ITGA9: variants seen among roughly 807,000 people sequenced by gnomAD.
ITGA9 encodes integrin alpha-9.
Under a neutral mutation model 127.8 loss-of-function variants are expected in ITGA9, and 56 were observed. That is an observed-to-expected ratio of 0.44 (90% confidence interval 0.35 to 0.55). The LOEUF (loss-of-function observed/expected upper bound fraction) is 0.55. ITGA9 is among the 20% of genes least tolerant of loss of function. ITGA9 has a pLI of 0.00. For missense variants in ITGA9, 1,196 were observed against 1,347.1 expected (o/e 0.89, Z 1.76); for synonymous variants, 508 against 514.5 (o/e 0.99, Z 0.17).
chr3:37,485,707 G>A (rs1488412245), intron 4 of ITGA9, among the ~76,000 whole-genome samples: 15 of 152,180 alleles, frequency 9.9e-5, no homozygotes, highest in Admixed American at 9.8e-4. Flanking sequence ...TAAAAAATTG[G>A]TCTCTGGTTT....
rs143344104 is a variant in ITGA9, at chr3:37,471,805, T to C, written c.313+671T>C. 1.4e-3 allele frequency among the ~76,000 whole-genome samples: 220 copies of C among 152,226 alleles called. 3 individuals are homozygous for C. In the South Asian group the frequency reaches 0.026, roughly 18 times the overall value. ...ATGGTGGCTCATGACTGTAATCCCA[T>C]CACTTTGGGAGGCTGAGGTGGGCAC... On this transcript the variant is annotated intron_variant, in intron 2 of 27. Transcript: ENST00000264741.
At chr3:37,808,997 C>A (rs1355054372) in intron 27 of ITGA9, 1 of 152,166 alleles carries the variant, frequency 6.6e-6, no homozygotes, top group African/African-American at 2.4e-5. Flanking sequence ...GGGAAATAGA[C>A]CCTGCTTCTC....
chr3:37,506,001 C>T lies in ITGA9; in HGVS notation c.744C>T (p.Gly248=), dbSNP rs757402509. The change falls in exon 7 of 28, where the codon GGC becomes GGT. Residue 248 remains glycine (G), a splice_region_variant and synonymous_variant. Coordinates refer to ENST00000264741, the MANE Select transcript of ITGA9 (RefSeq NM_002207.3). ...VIMNRRYTYL[G]YAVTAGHFSH... ...TTGGTTTCCGCCCATCCTGTTCAGG[C>T]TACGCAGTGACCGCTGGCCACTTCT... 1 of 1,601,650 alleles carries T rather than the reference C, an allele frequency of 6.2e-7. No homozygotes were observed. Among genetic ancestry groups the T allele is most frequent in the South Asian group, 1.1e-5 (1 of 88,412 alleles).
At chr3:37,802,714 T>C (rs1301850489) in intron 26 of ITGA9, among the ~76,000 whole-genome samples, 3 of 152,156 alleles carry the variant, frequency 2.0e-5, no homozygotes, top group Non-Finnish European at 4.4e-5. Context: ...TGAGCACTGA[T>C]ACATGTTTAA....
At chr3:37,636,144 C>T (rs1314471228) in intron 16 of ITGA9, among the ~76,000 whole-genome samples, 1 of 152,064 alleles carries the variant, frequency 6.6e-6, no homozygotes, top group Non-Finnish European at 1.5e-5. Flanking sequence ...TGGGTATATA[C>T]CCAGTAATGG....
intron 14 of ITGA9, among the ~76,000 whole-genome samples, chr3:37,538,678 G>A (rs922465520): frequency 2.6e-4 from 39 of 152,184 alleles, no homozygotes; most frequent in Non-Finnish European, 5.1e-4. Context: ...CTTTCCACCA[G>A]ACCCTTTACC....
chr3:37,810,695 T>C (rs1040049680), intron 27 of ITGA9, among the ~76,000 whole-genome samples: 6 of 152,052 alleles, frequency 3.9e-5, no homozygotes, highest in Non-Finnish European at 5.9e-5. Flanking sequence ...GGATTACAGG[T>C]GTGAGCCACC....
intron 1 of ITGA9, among the ~76,000 whole-genome samples, chr3:37,463,482 T>C (rs1271610313): frequency 6.6e-6 from 1 of 152,184 alleles, no homozygotes; most frequent in Admixed American, 6.5e-5. Flanking sequence ...ATGTATTTCA[T>C]CCTCTTGCAG....
chr3:37,453,172 C>T (rs1698219611), intron 1 of ITGA9, among the ~76,000 whole-genome samples: 1 of 151,486 alleles, frequency 6.6e-6, no homozygotes, highest in Non-Finnish European at 1.5e-5. Flanking sequence ...CGGAGAAGCT[C>T]CTAGGATATA....
At chr3:37,707,230 A>G (rs1429639311) in intron 18 of ITGA9, among the ~76,000 whole-genome samples, 4 of 152,238 alleles carry the variant, frequency 2.6e-5, no homozygotes, top group African/African-American at 7.2e-5. Flanking sequence ...TGCAATTCAC[A>G]TAAAAAATGT....
rs754528530 is a variant in ITGA9, at chr3:37,736,919, A to G, written c.2170A>G (p.Ile724Val). 6 of 1,612,868 alleles carry G rather than the reference A, an allele frequency of 3.7e-6. No individual in the cohort carries two copies. In the South Asian group the frequency reaches 5.5e-5, roughly 15 times the overall value. Residue 724 changes from isoleucine (I) to valine (V), a missense_variant, in exon 20 of 28, where the codon ATC becomes GTC. By Grantham distance (29) the Ile-to-Val change is conservative. Transcript: ENST00000264741. ...TTTTCACTAGTATGAATTCAGCGTG[A>G]TCTTTGATACAAGCCACCTGTCTGG... is the stretch of plus-strand genomic sequence containing the variant. ...RSKSKYEFSV[I>V]FDTSHLSGEE...
intron 4 of ITGA9, among the ~76,000 whole-genome samples, chr3:37,484,799 G>T (rs1367921771): frequency 1.3e-5 from 2 of 152,110 alleles, no homozygotes; most frequent in Non-Finnish European, 2.9e-5. Context: ...AGTTCTCTGT[G>T]CCTAACCAAC....
chr3:37,655,155 G>C (rs1700465375), intron 17 of ITGA9, among the ~76,000 whole-genome samples: 1 of 152,154 alleles, frequency 6.6e-6, no homozygotes, highest in Non-Finnish European at 1.5e-5. Context: ...ATAAACATAT[G>C]TGTGCATGTG....
Position 37,452,693 on chromosome 3 carries a change from C to T in ITGA9, c.185+134C>T. The stretch of plus-strand genomic sequence containing the variant: ...GGGCGATTTAAATGTCTCCGTTGCG[C>T]GCGGCTCGGCCGCCGGGGGACGGCG... On this transcript the variant is annotated intron_variant, in intron 1 of 27. Transcript: ENST00000264741. The surrounding 1 kb of genome is among the most constrained non-coding windows in gnomAD (Gnocchi z 7.3). 1 of 770,042 alleles carries T rather than the reference C, an allele frequency of 1.3e-6. No individual in the cohort carries two copies. The highest frequency in any genetic ancestry group is 1.8e-6 in the Non-Finnish European group (1 of 544,518). 47.7% of individuals were successfully genotyped at this position (770,042 alleles called of 1,614,324 possible).
chr3:37,770,269 TA>T (rs1472976270), intron 23 of ITGA9, among the ~76,000 whole-genome samples: 1 of 152,238 alleles, frequency 6.6e-6, no homozygotes, highest in African/African-American at 2.4e-5. Context: ...AATATTGTAT[TA>T]TTTCCATTGA....
Position 37,747,566 on chromosome 3 carries a change from C to G in ITGA9, c.2434-2896C>G, listed in dbSNP as rs183381880. On this transcript the variant is annotated intron_variant, in intron 22 of 27. Coordinates refer to ENST00000264741, the MANE Select transcript of ITGA9 (RefSeq NM_002207.3). ...ATCCCCCCATTATCCTTCCCAGCCT[C>G]TGGTTAGCATCCCTCTACTCTCTGT... Among the ~76,000 whole-genome samples, 935 of 146,100 alleles carry G rather than the reference C, an allele frequency of 6.4e-3. 9 individuals are homozygous for G. Among genetic ancestry groups the G allele is most frequent in the Middle Eastern group, 0.028 (8 of 290 alleles).
chr3:37,646,480 TGAGGAGGCC>T lies in ITGA9; in HGVS notation c.1840-7233_1840-7225del, dbSNP rs1700378035. Among the ~76,000 whole-genome samples, 3 of 152,352 alleles carry T rather than the reference TGAGGAGGCC, an allele frequency of 2.0e-5. No homozygotes were observed. The South Asian group carries it at 6.2e-4, about 32-fold the overall frequency. ...AGCAGAGAAATCGAGTCCATGAGGC[TGAGGAGGCC>T]ACTGGATGTCCAGTCTTCAGCTCTC... On this transcript the variant is annotated intron_variant, in intron 16 of 27. Coordinates refer to ENST00000264741, the MANE Select transcript of ITGA9 (RefSeq NM_002207.3).
intron 4 of ITGA9, 72 bp downstream of exon 4, chr3:37,481,679 C>T (rs1185056160): frequency 6.4e-7 from 1 of 1,567,628 alleles, no homozygotes; most frequent in South Asian, 1.1e-5. Flanking sequence ...CACCTCTATG[C>T]ACCACCAGCT....
chr3:37,558,832 G>A (rs977484449), intron 15 of ITGA9, among the ~76,000 whole-genome samples: 1 of 152,122 alleles, frequency 6.6e-6, no homozygotes, highest in Non-Finnish European at 1.5e-5. Context: ...GCCAGCTGCC[G>A]AGCTTTTTCC....
Sources: allele counts gnomAD v4.1 joint callset (sites outside exome capture counted in the v4.1 genomes callset), GRCh38; gene constraint gnomAD v4.1.1; non-coding constraint Gnocchi (gnomAD v3.1); transcripts MANE v1.5; gene names NCBI Gene and HGNC (gene_info 2026-07-23, HGNC 2026-07-21).